RORA: variants seen among roughly 807,000 people sequenced by gnomAD.
RORA encodes RAR related orphan receptor A.
RORA carries 7 observed loss-of-function variants against 69.5 expected under a neutral mutation model. The ratio of observed to expected loss-of-function variants is 0.10; its 90% CI spans 0.06 to 0.19. The LOEUF is 0.19. Among genes scored for constraint, RORA ranks in the 10% least tolerant of loss-of-function variants. RORA has a pLI of 1.00. For synonymous variants in RORA, 261 were observed against 240.8 expected (o/e 1.08, Z -0.78); for missense variants, 457 against 663.0 (o/e 0.69, Z 3.41).
At chr15:60,687,775 C>T (rs1274359729) in intron 1 of RORA, among the ~76,000 whole-genome samples, 1 of 152,158 alleles carries the variant, frequency 6.6e-6, no homozygotes, top group African/African-American at 2.4e-5. Context: ...CAACAAAATA[C>T]TTACCTTGCA....
chr15:60,652,461 A>T (rs1024432834), intron 2 of RORA, among the ~76,000 whole-genome samples: 1 of 152,198 alleles, frequency 6.6e-6, no homozygotes, highest in African/African-American at 2.4e-5. Context: ...GGTTTTGCGC[A>T]TAAGCCGGAT....
In RORA at chr15:60,502,779, G is replaced by C; in HGVS notation, c.1164C>G (p.Pro388=). ...CCTTACCTAAGGATTTGAAGACGTC[G>C]GGGCTGGCATACTTCCCATCAAAGT... ...TVYFDGKYAS[P]DVFKSLGCED... The change falls in exon 8 of 11, where the codon CCC becomes CCG. Residue 388 remains proline, a synonymous_variant. Transcript: ENST00000335670. 6.2e-7 allele frequency: 1 copy of C among 1,612,774 alleles called. No homozygotes were observed. Among genetic ancestry groups the C allele is most frequent in the Non-Finnish European group, 8.5e-7 (1 of 1,178,802 alleles).
intron 1 of RORA, among the ~76,000 whole-genome samples, chr15:60,700,822 G>C (rs1456797716): frequency 6.6e-6 from 1 of 152,140 alleles, no homozygotes; most frequent in South Asian, 2.1e-4. Flanking sequence ...ATCCAAAGCA[G>C]GGCTTCACTT....
intron 1 of RORA, among the ~76,000 whole-genome samples, chr15:60,878,099 G>A (rs1046467271): frequency 1.3e-5 from 2 of 150,848 alleles, no homozygotes; most frequent in African/African-American, 2.4e-5. Context: ...AGCCGAGGTG[G>A]GCGGATCACG....
Position 60,492,302 on chromosome 15 carries a change from G to A in RORA, c.*5153C>T, listed in dbSNP as rs1595851855. The A allele has an allele frequency of 6.6e-6, 1 of 152,126 alleles. No individual in the cohort carries two copies. The highest frequency in any genetic ancestry group is 1.9e-4 in the East Asian group (1 of 5,196). The allele number at this position is 152,126 out of a possible 1,614,324, so 9.4% of individuals were successfully genotyped here. ...ATATGTGGAATATGATAACAAAACG[G>A]TATTTCAAAAATATAACATGTAACA... On this transcript the variant is annotated 3_prime_UTR_variant, in exon 11 of 11. Transcript: ENST00000335670.
intron 1 of RORA, among the ~76,000 whole-genome samples, chr15:61,019,567 C>T (rs761796462): frequency 2.6e-5 from 4 of 152,106 alleles, no homozygotes; most frequent in Non-Finnish European, 5.9e-5. Context: ...TAGAGATGCT[C>T]AAAAGAGGTG....
rs999184741 is a variant in RORA, at chr15:61,143,262, G to C, written c.166+85791C>G. 3.9e-5 allele frequency among the ~76,000 whole-genome samples: 6 copies of C among 152,092 alleles called. No homozygotes were observed. In the East Asian group the frequency reaches 1.2e-3, roughly 29 times the overall value. On this transcript the variant is annotated intron_variant, in intron 1 of 10. Transcript: ENST00000335670. The stretch of plus-strand genomic sequence containing the variant: ...TATTTAAAAAAATAAATTTAGAAAA[G>C]TATAGAATTCACAAGAAAAAAATTT...
intron 1 of RORA, chr15:60,764,953 C>T (rs941347740): frequency 6.6e-6 from 1 of 151,986 alleles, no homozygotes; most frequent in Non-Finnish European, 1.5e-5. Flanking sequence ...GAAGCCTGTC[C>T]TCTCGGTGGT....
chr15:60,544,114 G>T (rs954931754), intron 2 of RORA, among the ~76,000 whole-genome samples: 1 of 152,146 alleles, frequency 6.6e-6, no homozygotes, highest in Non-Finnish European at 1.5e-5. Flanking sequence ...TTCACCAAAT[G>T]CCTGTAACGC....
chr15:60,733,268 A>T (rs2071453542), intron 1 of RORA, among the ~76,000 whole-genome samples: 1 of 152,166 alleles, frequency 6.6e-6, no homozygotes, highest in South Asian at 2.1e-4. Context: ...ATTAGTAAAA[A>T]CTACCGACTG....
intron 1 of RORA, among the ~76,000 whole-genome samples, chr15:60,911,973 GT>G (rs1891737264): frequency 1.3e-5 from 2 of 151,314 alleles, no homozygotes; most frequent in East Asian, 2.0e-4. Context: ...GCCTCCCAAA[GT>G]GCTGGGATTA....
At chr15:61,074,523 T>C (rs1325715535) in intron 1 of RORA, among the ~76,000 whole-genome samples, 1 of 152,138 alleles carries the variant, frequency 6.6e-6, no homozygotes, top group Non-Finnish European at 1.5e-5. Context: ...TATCTACAAA[T>C]GGGTTTAGAG....
At chr15:60,841,835 G>A (rs948462137) in intron 1 of RORA, among the ~76,000 whole-genome samples, 14 of 152,188 alleles carry the variant, frequency 9.2e-5, no homozygotes, top group East Asian at 3.9e-4. Context: ...ACCATCCACT[G>A]TATCTGGTGT....
At chr15:60,889,354 G>T (rs906688075) in intron 1 of RORA, among the ~76,000 whole-genome samples, 5 of 24,364 alleles carry the variant, frequency 2.1e-4, no homozygotes, top group Non-Finnish European at 1.4e-4. Flanking sequence ...GTGGGGCGGG[G>T]GGGGGGGGAA....
At chr15:60,513,235 G>A (rs1475254699) in intron 4 of RORA, among the ~76,000 whole-genome samples, 2 of 152,234 alleles carry the variant, frequency 1.3e-5, no homozygotes, top group African/African-American at 4.8e-5. Flanking sequence ...CAACCAGGCT[G>A]ATGTGGGATC....
intron 1 of RORA, among the ~76,000 whole-genome samples, chr15:60,715,903 A>T (rs1408900280): frequency 2.0e-5 from 3 of 152,176 alleles, no homozygotes; most frequent in Non-Finnish European, 4.4e-5. Context: ...TGAATTATGT[A>T]AAAAAATTAT....
At position 60,948,487 on chromosome 15, in the gene RORA, A is replaced by G. The variant is rs146880374; in HGVS notation, c.167-269801T>C. The stretch of plus-strand genomic sequence containing the variant: ...ACAAATAGTAACTAAAAATAGATGA[A>G]GTTCCCAGCTAGTGCAAATGTCTGT... On this transcript the variant is annotated intron_variant, in intron 1 of 10. Transcript: ENST00000335670. Among the ~76,000 whole-genome samples, 343 of 152,356 alleles carry G rather than the reference A, an allele frequency of 2.3e-3. 2 individuals carry two copies. Among genetic ancestry groups the G allele is most frequent in the African/African-American group, 8.1e-3 (335 of 41,582 alleles).
At chr15:60,679,513 T>C (rs549017834) in intron 1 of RORA, among the ~76,000 whole-genome samples, 2 of 152,344 alleles carry the variant, frequency 1.3e-5, no homozygotes, top group South Asian at 4.1e-4. Context: ...TGCATTCTTC[T>C]TGGGAGACGT....
chr15:60,627,448 G>T (rs2069620567), intron 2 of RORA: 1 of 1,593,316 alleles, frequency 6.3e-7, no homozygotes, highest in Non-Finnish European at 8.5e-7. Context: ...GGAGTCCAAG[G>T]TGATCAGACA....
Sources: gnomAD v4.1 joint callset for allele counts (sites outside exome capture counted in the v4.1 genomes callset) on GRCh38, gnomAD v4.1.1 for gene constraint, MANE v1.5 for transcripts, NCBI Gene and HGNC (gene_info 2026-07-23, HGNC 2026-07-21) for gene names.